Variants in HIRA observed in about 807,000 individuals in gnomAD.
The protein encoded by HIRA is histone cell cycle regulator.
In HIRA, 13 loss-of-function variants were observed where a neutral mutation model predicts 126.6. The ratio of observed to expected loss-of-function variants is 0.10; its 90% confidence interval spans 0.07 to 0.16. The LOEUF (loss-of-function observed/expected upper bound fraction) is 0.16. HIRA is among the 10% of genes least tolerant of loss of function. The probability of loss-of-function intolerance (pLI) is 1.00; values close to 1 mark genes in which losing one functional copy is unlikely to be tolerated. For missense variants in HIRA, 834 were observed against 1,314.4 expected (o/e 0.63, Z 5.65); for synonymous variants, 511 against 520.0 (o/e 0.98, Z 0.24).
chr22:19,375,536 G>T, intron 15 of HIRA, 95 bp downstream of exon 15: 1 of 1,353,922 alleles, frequency 7.4e-7, no homozygotes, highest in Non-Finnish European at 1.0e-6. Flanking sequence ...TTCCCCAACA[G>T]GAAGGCAGGT....
At chr22:19,409,905 C>T (rs951445959) in intron 2 of HIRA, among the ~76,000 whole-genome samples, 1 of 152,120 alleles carries the variant, frequency 6.6e-6, no homozygotes, top group African/African-American at 2.4e-5. Context: ...TCCCTGCCCA[C>T]AGCTTCCCTA....
At chr22:19,416,104 A>C (rs2089394979) in intron 1 of HIRA, among the ~76,000 whole-genome samples, 1 of 152,214 alleles carries the variant, frequency 6.6e-6, no homozygotes. Flanking sequence ...AATGATTTTG[A>C]CAAGGGGCCA....
At chr22:19,411,860 T>A (rs2089355538) in intron 1 of HIRA, among the ~76,000 whole-genome samples, 1 of 152,160 alleles carries the variant, frequency 6.6e-6, no homozygotes, top group Admixed American at 6.5e-5. Context: ...CTGAGAACTG[T>A]GAAGTCCTGC....
At chr22:19,389,884 G>A (rs1282826252) in intron 9 of HIRA, among the ~76,000 whole-genome samples, 14 of 148,810 alleles carry the variant, frequency 9.4e-5, no homozygotes, top group African/African-American at 2.5e-5. Flanking sequence ...AAATCACAAC[G>A]CACACAGTAA....
intron 1 of HIRA, among the ~76,000 whole-genome samples, chr22:19,427,412 C>T (rs2089497379): frequency 6.6e-6 from 1 of 152,238 alleles, no homozygotes; most frequent in African/African-American, 2.4e-5. Context: ...CCACTCCTAA[C>T]TTTATCATTA....
intron 24 of HIRA, among the ~76,000 whole-genome samples, chr22:19,348,534 C>T (rs906746053): frequency 6.6e-5 from 10 of 151,168 alleles, no homozygotes; most frequent in Admixed American, 1.3e-4. Flanking sequence ...CTCACCCTGT[C>T]GCCTGGGCTG....
chr22:19,342,412 A>C (rs529425197), intron 24 of HIRA, among the ~76,000 whole-genome samples: 1 of 152,288 alleles, frequency 6.6e-6, no homozygotes, highest in East Asian at 1.9e-4. Flanking sequence ...CTGGAGATGG[A>C]GTCTCACTCT....
chr22:19,335,179 A>C (rs1169451900), intron 24 of HIRA, among the ~76,000 whole-genome samples: 1 of 151,800 alleles, frequency 6.6e-6, no homozygotes, highest in Non-Finnish European at 1.5e-5. Context: ...ATGCCACTTC[A>C]CTTCTACATA....
At chr22:19,408,651 A>G in intron 2 of HIRA, 58 bp from the exon 3 acceptor site, 1 of 941,110 alleles carries the variant, frequency 1.1e-6, no homozygotes, top group Non-Finnish European at 1.7e-6. Flanking sequence ...TGATATTAAT[A>G]TTTAATGTCA....
At chr22:19,342,254 T>C (rs900051492) in intron 24 of HIRA, among the ~76,000 whole-genome samples, 1 of 152,030 alleles carries the variant, frequency 6.6e-6, no homozygotes, top group African/African-American at 2.4e-5. Context: ...CACAATGACA[T>C]ACCACCTTAC....
intron 15 of HIRA, among the ~76,000 whole-genome samples, chr22:19,372,571 A>ATTT (rs200950966): frequency 7.3e-6 from 1 of 136,068 alleles, no homozygotes; most frequent in Non-Finnish European, 1.6e-5. Context: ...AAAGCTTTTA[A>ATTT]TTTTTTTTTT....
At chr22:19,363,444 G>A (rs543994977) in intron 15 of HIRA, among the ~76,000 whole-genome samples, 1 of 151,220 alleles carries the variant, frequency 6.6e-6, no homozygotes, top group East Asian at 1.9e-4. Flanking sequence ...CCATCTCTAA[G>A]AACAAAAAAT....
At chr22:19,357,074 G>A in intron 18 of HIRA, 23 bp from the exon 19 acceptor site, 1 of 1,613,024 alleles carries the variant, frequency 6.2e-7, no homozygotes, top group Non-Finnish European at 8.5e-7. Context: ...AGTGGGGGCA[G>A]GTGTCATGGG....
chr22:19,336,208 C>A (rs1016225728), intron 24 of HIRA, among the ~76,000 whole-genome samples: 5 of 152,174 alleles, frequency 3.3e-5, no homozygotes, highest in African/African-American at 1.2e-4. Flanking sequence ...TTCTGCTATT[C>A]CAATAACGAC....
intron 1 of HIRA, among the ~76,000 whole-genome samples, chr22:19,419,987 C>A (rs910378346): frequency 1.3e-5 from 2 of 151,926 alleles, no homozygotes; most frequent in African/African-American, 2.4e-5. Flanking sequence ...GTGTCAGATG[C>A]CTAAGAGATT....
intron 1 of HIRA, among the ~76,000 whole-genome samples, chr22:19,422,169 T>C (rs537238704): frequency 0.01 from 1,122 of 111,626 alleles, 20 homozygotes; most frequent in African/African-American, 0.028. Context: ...TGTGTTTATA[T>C]ATACACACAC....
At chr22:19,370,157 T>C (rs1402524800) in intron 15 of HIRA, among the ~76,000 whole-genome samples, 4 of 152,108 alleles carry the variant, frequency 2.6e-5, no homozygotes, top group Non-Finnish European at 5.9e-5. Flanking sequence ...TTCACCATGT[T>C]GGCCAGGCTG....
At chr22:19,387,625 A>G (rs1194491277) in intron 11 of HIRA, 86 bp downstream of exon 11, 2 of 887,762 alleles carry the variant, frequency 2.3e-6, no homozygotes, top group South Asian at 2.9e-5. Flanking sequence ...GTATCTCACA[A>G]GAAGAGGGTG....
At chr22:19,416,472 A>AACCACGCCTGGTGCGCACC (rs2089399663) in intron 1 of HIRA, among the ~76,000 whole-genome samples, 1 of 151,948 alleles carries the variant, frequency 6.6e-6, no homozygotes, top group East Asian at 1.9e-4. Flanking sequence ...CTGAGGGCAC[A>AACCACGCCTGGTGCGCACC]ACCACGCCTG....
Sources: gnomAD v4.1 joint callset for allele counts (sites outside exome capture counted in the v4.1 genomes callset) on GRCh38, gnomAD v4.1.1 for gene constraint, MANE v1.5 for transcripts, NCBI Gene and HGNC (gene_info 2026-07-23, HGNC 2026-07-21) for gene names.